GRIK4: variants seen among roughly 807,000 people sequenced by gnomAD.
The protein encoded by GRIK4 is glutamate ionotropic receptor kainate type subunit 4, also known as glutamate receptor ionotropic, kainate 4.
In GRIK4, 40 loss-of-function variants were observed where a neutral mutation model predicts 104.9. That is an observed-to-expected ratio of 0.38 (90% CI 0.30 to 0.50). The LOEUF (loss-of-function observed/expected upper bound fraction) is 0.50, where lower values mean the gene tolerates loss of function less well. Among genes scored for constraint, GRIK4 ranks in the 20% least tolerant of loss-of-function variants. GRIK4 has a pLI of 0.93. For synonymous variants in GRIK4, 485 were observed against 524.9 expected, an observed-to-expected ratio of 0.92 and a Z score of 1.04; for missense variants, 1,047 against 1,308.1, an observed-to-expected ratio of 0.80 and a Z score of 3.08.
chr11:120,946,277 T>C (rs1943858180), intron 14 of GRIK4, among the ~76,000 whole-genome samples: 1 of 152,204 alleles, frequency 6.6e-6, no homozygotes, highest in Non-Finnish European at 1.5e-5. Context: ...CCCCGACTAT[T>C]ATAGCAAGGC....
At chr11:120,589,926 C>T (rs866526378) in intron 1 of GRIK4, among the ~76,000 whole-genome samples, 1 of 152,286 alleles carries the variant, frequency 6.6e-6, no homozygotes, top group Middle Eastern at 3.4e-3. Flanking sequence ...TCATTGGACC[C>T]AATCCCCTGA....
chr11:120,621,847 G>A (rs963978713), intron 1 of GRIK4, among the ~76,000 whole-genome samples: 1 of 152,128 alleles, frequency 6.6e-6, no homozygotes, highest in South Asian at 2.1e-4. Context: ...ACATGGGTAT[G>A]GGGTATAGCT....
rs1943702375 is a variant in GRIK4 at position 120,940,646 on chromosome 11, G to C, written c.1590+186G>C. ...CAAACTGAAGGGATGGAAAAGTCAT[G>C]CTTGTGGGCTTTCCAGTAAAAATTA... On this transcript the variant is annotated intron_variant, in intron 14 of 20. Coordinates refer to ENST00000527524, the MANE Select transcript of GRIK4 (RefSeq NM_014619.5). This position sits in a 1 kb window ranked among gnomAD's most constrained non-coding sequence, Gnocchi z 4.3. Among the ~76,000 whole-genome samples, 1 of 152,208 alleles carries C rather than the reference G, an allele frequency of 6.6e-6. No homozygotes were observed. Among genetic ancestry groups the C allele is most frequent in the Non-Finnish European group, 1.5e-5 (1 of 68,040 alleles).
In GRIK4 at chr11:120,558,930, C is replaced by T. The variant is rs181393074; in HGVS notation, c.-159+47043C>T. 2.0e-5 allele frequency among the ~76,000 whole-genome samples: 3 copies of T among 152,224 alleles called. No homozygotes were observed. The East Asian group carries it at 5.8e-4, about 29-fold the overall frequency. On this transcript the variant is annotated intron_variant, in intron 1 of 20. Transcript: ENST00000527524. ...TTGGTTTTACCCAGACTGCTGAGAT[C>T]CTTGATAAGGCCTCACCATGGTGAT...
rs1165053728 is a variant in GRIK4 at position 120,815,401 on chromosome 11, G to T, written c.271G>T (p.Val91Leu). The T allele has an allele frequency of 1.9e-6, 3 of 1,550,094 alleles. No individual in the cohort carries two copies. Among genetic ancestry groups the T allele is most frequent in the Non-Finnish European group, 8.7e-7 (1 of 1,145,602 alleles). Residue 91 changes from valine to leucine, a missense_variant, in exon 5 of 21, where the codon GTG becomes TTG. Around this residue, in one of 3 missense-constraint regions of GRIK4, gnomAD observed 447 missense variants for 514.9 expected, o/e 0.87. Coordinates refer to ENST00000527524, the MANE Select transcript of GRIK4 (RefSeq NM_014619.5). ...ETMCQILPKGVVAVLGPSSSP... is the reference protein window; with the variant it reads ...ETMCQILPKGLVAVLGPSSSP... ...AGTGTGTCAGATCCTCCCCAAGGGG[G>T]TGGTCGCTGTCCTCGGACCATCGTC... is the stretch of plus-strand genomic sequence containing the variant.
chr11:120,869,347 G>A (rs371647534), intron 9 of GRIK4: 110 of 152,338 alleles, frequency 7.2e-4, no homozygotes, highest in African/African-American at 2.6e-3. Context: ...CAGAGCCTAC[G>A]GGGGACACGT....
At chr11:120,782,781 G>C (rs1952184520) in intron 3 of GRIK4, among the ~76,000 whole-genome samples, 1 of 152,130 alleles carries the variant, frequency 6.6e-6, no homozygotes, top group African/African-American at 2.4e-5. Flanking sequence ...AAGGGTCCAC[G>C]CCGGTGGTTC....
intron 12 of GRIK4, among the ~76,000 whole-genome samples, chr11:120,901,281 T>A (rs1413041979): frequency 6.6e-6 from 1 of 151,984 alleles, no homozygotes; most frequent in East Asian, 1.9e-4. Context: ...CCATGCAGCA[T>A]GGGGTCTAGT....
intron 13 of GRIK4, among the ~76,000 whole-genome samples, chr11:120,932,157 ATTTT>A (rs56886847): frequency 3.8e-4 from 52 of 138,002 alleles, no homozygotes; most frequent in African/African-American, 1.3e-3. Flanking sequence ...CAATTTTACA[ATTTT>A]TTTTTTTTTT....
chr11:120,554,088 C>A (rs1276566797), intron 1 of GRIK4, among the ~76,000 whole-genome samples: 1 of 152,084 alleles, frequency 6.6e-6, no homozygotes, highest in African/African-American at 2.4e-5. Context: ...CCACTCACAC[C>A]CCCACCCACA....
chr11:120,974,471 T>C (rs2134774234), intron 19 of GRIK4, among the ~76,000 whole-genome samples: 1 of 152,336 alleles, frequency 6.6e-6, no homozygotes, highest in East Asian at 1.9e-4. Flanking sequence ...GCAGTTTTAA[T>C]TAGAATGTAC....
chr11:120,644,611 C>T (rs1237047143), intron 1 of GRIK4, among the ~76,000 whole-genome samples: 2 of 152,134 alleles, frequency 1.3e-5, no homozygotes, highest in Admixed American at 1.3e-4. Context: ...GGCCTGATGT[C>T]TCAGGAGGAG....
At chr11:120,758,762 G>T (rs1218592652) in intron 3 of GRIK4, among the ~76,000 whole-genome samples, 2 of 152,118 alleles carry the variant, frequency 1.3e-5, no homozygotes, top group Non-Finnish European at 2.9e-5. Flanking sequence ...GCTGTTAATT[G>T]GTCTATAGTG....
rs183895577 is a variant in GRIK4 at position 120,598,411 on chromosome 11, G to T, written c.-158-55274G>T. ...GCAGAGTTTGTGGTCTTTCTCCATC[G>T]GCTCCAGGGACATTTCCTGGCCTGC... On this transcript the variant is annotated intron_variant, in intron 1 of 20. Coordinates refer to ENST00000527524, the MANE Select transcript of GRIK4 (RefSeq NM_014619.5). Among the ~76,000 whole-genome samples, 46 of 152,286 alleles carry T rather than the reference G, an allele frequency of 3.0e-4. No homozygotes were observed. The East Asian group carries it at 8.9e-3, about 29-fold the overall frequency.
chr11:120,603,320 C>T (rs1444037577), intron 1 of GRIK4, among the ~76,000 whole-genome samples: 1 of 152,236 alleles, frequency 6.6e-6, no homozygotes, highest in Non-Finnish European at 1.5e-5. Flanking sequence ...TGTGAATCTG[C>T]ACATCTCTCC....
At chr11:120,724,198 G>A (rs1340936362) in intron 3 of GRIK4, among the ~76,000 whole-genome samples, 3 of 152,178 alleles carry the variant, frequency 2.0e-5, no homozygotes, top group African/African-American at 7.2e-5. Flanking sequence ...GCCCAGGCTG[G>A]AGTGCAGTGG....
chr11:120,844,538 G>A (rs1953803656), intron 8 of GRIK4, among the ~76,000 whole-genome samples: 1 of 152,088 alleles, frequency 6.6e-6, no homozygotes, highest in Admixed American at 6.6e-5. Flanking sequence ...GGAGTTCTTG[G>A]GGTAGAAGGG....
intron 3 of GRIK4, among the ~76,000 whole-genome samples, chr11:120,710,257 G>A (rs1950704165): frequency 6.6e-6 from 1 of 152,182 alleles, no homozygotes; most frequent in Non-Finnish European, 1.5e-5. Context: ...TATTTTCTGG[G>A]ACCTGTTCCA....
At chr11:120,985,223 C>T (rs552736694) in intron 20 of GRIK4, among the ~76,000 whole-genome samples, 3 of 152,128 alleles carry the variant, frequency 2.0e-5, no homozygotes, top group South Asian at 4.2e-4. Flanking sequence ...TCAGCGGCGG[C>T]GTGGCTTGGC....
Sources: gnomAD v4.1 joint callset for allele counts (sites outside exome capture counted in the v4.1 genomes callset) on GRCh38, gnomAD v4.1.1 for gene constraint, gnomAD v4.1.1 regional missense constraint, Gnocchi (gnomAD v3.1) non-coding constraint, MANE v1.5 for transcripts, NCBI Gene and HGNC (gene_info 2026-07-23, HGNC 2026-07-21) for gene names.